TG: variants seen among roughly 807,000 people sequenced by gnomAD.
TG encodes the protein thyroid hormones.
Under a neutral mutation model 324.7 loss-of-function variants are expected in TG, and 270 were observed. That is an observed-to-expected ratio of 0.83 (90% CI 0.75 to 0.92). The LOEUF is 0.92. Ranked by LOEUF, TG falls within the 40% of genes least tolerant of loss-of-function variation. The probability of loss-of-function intolerance (pLI) is 0.00; values close to 1 mark genes in which losing one functional copy is unlikely to be tolerated. For synonymous variants in TG, 1,401 were observed against 1,327.0 expected (o/e 1.06, Z -1.21); for missense variants, 3,591 against 3,456.4 (o/e 1.04, Z -0.98).
chr8:133,018,022 T>G (rs1835201518), intron 38 of TG, 25 bp downstream of exon 38: 13 of 1,607,424 alleles, frequency 8.1e-6, no homozygotes, highest in African/African-American at 1.3e-5. Flanking sequence ...GAGCACATCT[T>G]GGTAAATGCT....
intron 25 of TG, among the ~76,000 whole-genome samples, chr8:132,936,646 G>A (rs1249267122): frequency 6.6e-6 from 1 of 152,192 alleles, no homozygotes; most frequent in East Asian, 1.9e-4. Flanking sequence ...GAAGTCCTCT[G>A]GGCCGCTGCT....
chr8:132,924,927 G>A (rs1004118815), intron 22 of TG, among the ~76,000 whole-genome samples: 1 of 152,160 alleles, frequency 6.6e-6, no homozygotes, highest in Non-Finnish European at 1.5e-5. Flanking sequence ...AGTCTGCAAG[G>A]TCCCTTAATC....
intron 43 of TG, among the ~76,000 whole-genome samples, chr8:133,098,402 C>G (rs987958909): frequency 7.9e-5 from 12 of 152,124 alleles, no homozygotes; most frequent in Non-Finnish European, 1.3e-4. Flanking sequence ...TCTTGCTGCC[C>G]CTAAACACTG....
intron 34 of TG, among the ~76,000 whole-genome samples, chr8:132,977,710 G>A (rs1285937367): frequency 6.6e-6 from 1 of 152,096 alleles, no homozygotes; most frequent in African/African-American, 2.4e-5. Flanking sequence ...AGAATAGCAC[G>A]GGAAAGACCC....
intron 35 of TG, among the ~76,000 whole-genome samples, chr8:132,983,910 G>T (rs565109132): frequency 1.3e-3 from 202 of 152,296 alleles, no homozygotes; most frequent in Admixed American, 2.4e-3. Flanking sequence ...CCAGGTGCCC[G>T]GTAACATAGC....
chr8:133,069,466 T>G (rs1232599867), intron 41 of TG, among the ~76,000 whole-genome samples: 1 of 152,126 alleles, frequency 6.6e-6, no homozygotes, highest in Non-Finnish European at 1.5e-5. Flanking sequence ...GAGATCTCCA[T>G]GATGTTTTTA....
intron 5 of TG, among the ~76,000 whole-genome samples, chr8:132,881,627 G>A (rs2294001): frequency 0.039 from 5,986 of 152,262 alleles, 270 homozygotes; most frequent in African/African-American, 0.11. Flanking sequence ...ACGGCTAATT[G>A]TTAGACGACA....
chr8:133,002,259 G>T, intron 35 of TG: 1 of 985,398 alleles, frequency 1.0e-6, no homozygotes, highest in South Asian at 4.7e-5. Context: ...TCTGCCTGTG[G>T]GGTGCATGCA....
At chr8:132,944,083 GT>G (rs777731561) in intron 26 of TG, among the ~76,000 whole-genome samples, 2 of 152,180 alleles carry the variant, frequency 1.3e-5, no homozygotes, top group Admixed American at 6.5e-5. Flanking sequence ...TGAATGGATA[GT>G]TTTTACCCTA....
chr8:132,980,448 T>G (rs1344795612), intron 34 of TG, among the ~76,000 whole-genome samples: 3 of 152,062 alleles, frequency 2.0e-5, no homozygotes, highest in African/African-American at 7.2e-5. Context: ...AAACAGGGTG[T>G]GGAGGCTCCC....
intron 27 of TG, among the ~76,000 whole-genome samples, chr8:132,955,189 T>C (rs1280451050): frequency 6.6e-6 from 1 of 152,190 alleles, no homozygotes; most frequent in East Asian, 1.9e-4. Context: ...GCTGGAGGTC[T>C]TTCCCCCCAC....
At chr8:133,105,850 T>C (rs1849757494) in intron 43 of TG, among the ~76,000 whole-genome samples, 1 of 151,432 alleles carries the variant, frequency 6.6e-6, no homozygotes. Context: ...GAGGAGGAGA[T>C]GGAGAGGTGG....
intron 45 of TG, among the ~76,000 whole-genome samples, chr8:133,121,728 G>A (rs1398867985): frequency 2.0e-5 from 3 of 152,120 alleles, no homozygotes; most frequent in Admixed American, 6.6e-5. Flanking sequence ...AGGTTGTGAC[G>A]ATCATTAATT....
At chr8:132,878,088 C>T (rs1165755750) in intron 5 of TG, among the ~76,000 whole-genome samples, 1 of 152,112 alleles carries the variant, frequency 6.6e-6, no homozygotes, top group Non-Finnish European at 1.5e-5. Flanking sequence ...GCATATTTGG[C>T]TCTGGGATCC....
chr8:132,874,845 G>A (rs1012212444), intron 5 of TG, among the ~76,000 whole-genome samples: 17 of 152,168 alleles, frequency 1.1e-4, no homozygotes, highest in East Asian at 9.6e-4. Context: ...CTCACTGGTG[G>A]CATCAAGACA....
chr8:133,124,154 G>A (rs963432065), intron 45 of TG, among the ~76,000 whole-genome samples: 1 of 152,226 alleles, frequency 6.6e-6, no homozygotes, highest in Non-Finnish European at 1.5e-5. Context: ...AATGCCTGGG[G>A]GCTGGGCCAG....
At chr8:132,913,393 A>T (rs1819816309) in intron 20 of TG, 128 bp downstream of exon 20, 1 of 955,756 alleles carries the variant, frequency 1.0e-6, no homozygotes, top group Non-Finnish European at 1.6e-6. Flanking sequence ...GTTAACGAGC[A>T]AAAGTTTTCA....
chr8:133,029,728 G>A (rs1564089710), intron 40 of TG, 93 bp from the exon 41 acceptor site: 2 of 1,503,750 alleles, frequency 1.3e-6, no homozygotes, highest in South Asian at 2.3e-5. Context: ...CCCCTGGCGG[G>A]GCCGCATATA....
In TG at chr8:132,956,191, A is replaced by T. The variant is rs138339152; in HGVS notation, c.5402-4817A>T. 8.9e-4 allele frequency among the ~76,000 whole-genome samples: 135 copies of T among 152,284 alleles called. 3 individuals carry two copies. The highest frequency in any genetic ancestry group is 3.2e-3 in the African/African-American group (132 of 41,558). On this transcript the variant is annotated intron_variant, in intron 27 of 47. Transcript: ENST00000220616. ...TGTTTAGAAAAACTAATTTGGGGCT[A>T]ACCTTCTGATGCGTGGGAAGGCAAT...
Sources: allele counts gnomAD v4.1 joint callset (sites outside exome capture counted in the v4.1 genomes callset), GRCh38; gene constraint gnomAD v4.1.1; transcripts MANE v1.5; gene names NCBI Gene and HGNC (gene_info 2026-07-23, HGNC 2026-07-21).